The following DNAJB1 variants were observed in gnomAD, a reference collection of about 807,000 sequenced individuals.
DNAJB1 encodes the protein DnaJ heat shock protein family (Hsp40) member B1, also known as dnaJ homolog subfamily B member 1.
Under a neutral mutation model 24.0 loss-of-function variants are expected in DNAJB1, and 14 were observed. The observed-to-expected ratio is 0.58, with a 90% CI of 0.39 to 0.91. The LOEUF is 0.91. Ranked by LOEUF, DNAJB1 falls within the 40% of genes least tolerant of loss-of-function variation. The probability of loss-of-function intolerance (pLI) is 0.00; values close to 1 mark genes in which losing one functional copy is unlikely to be tolerated. For missense variants in DNAJB1, 517 were observed against 458.1 expected (o/e 1.13, Z -1.17); for synonymous variants, 262 against 174.4 (o/e 1.50, Z -3.96).
chr19:14,535,767 A>AAAAAC (rs2072877370), intron 1 of DNAJB1, among the ~76,000 whole-genome samples: 1 of 144,886 alleles, frequency 6.9e-6, no homozygotes, highest in Non-Finnish European at 1.5e-5. Flanking sequence ...AAAAAAAAAA[A>AAAAAC]AAAAAAAAAA....
At chr19:14,518,515 C>A, upstream of DNAJB1, 5 of 504,228 alleles carry the variant, frequency 9.9e-6, no homozygotes, top group Non-Finnish European at 1.5e-5. Context: ...TCGCCGCCGC[C>A]CTTTCAGCGA....
Position 14,524,384 on chromosome 19 carries a change from A to C in DNAJB1, c.-90+3342T>G, listed in dbSNP as rs114421359. On this transcript the variant is annotated intron_variant, in intron 2 of 3. Transcript: ENST00000396969. ...TATCTGCAAAGAATGACAAAGAAATAAGCTGGGCATGGTGGCACGTGCCAG... is the reference window on the plus strand; with the variant it reads ...TATCTGCAAAGAATGACAAAGAAATCAGCTGGGCATGGTGGCACGTGCCAG... Among the ~76,000 whole-genome samples the C allele has an allele frequency of 8.7e-3, 1,329 of 151,914 alleles. 26 individuals are homozygous for C. Among genetic ancestry groups the C allele is most frequent in the South Asian group, 0.029 (140 of 4,804 alleles).
chr19:14,522,208 T>C (rs1445940064), upstream of DNAJB1, among the ~76,000 whole-genome samples: 3 of 152,092 alleles, frequency 2.0e-5, no homozygotes, highest in Non-Finnish European at 4.4e-5. Flanking sequence ...GTGAAGTTAT[T>C]ATGTTGATGC....
At chr19:14,517,648 C>T in intron 1 of DNAJB1, 1 of 155,300 alleles carries the variant, frequency 6.4e-6, no homozygotes, top group Non-Finnish European at 1.4e-5. Context: ...GCGTGCCCTG[C>T]CGGGGCCAGG....
intron 1 of DNAJB1, among the ~76,000 whole-genome samples, chr19:14,539,539 T>G (rs2073024991): frequency 6.6e-6 from 1 of 152,216 alleles, no homozygotes; most frequent in East Asian, 1.9e-4. Context: ...GAAGGCCTTT[T>G]TGCCTGTAAG....
At chr19:14,529,648 C>T (rs377238588), upstream of DNAJB1, 36 of 1,613,592 alleles carry the variant, frequency 2.2e-5, no homozygotes, top group African/African-American at 9.3e-5. Context: ...CTGTGCCGCG[C>T]AGTTAGGCAG....
chr19:14,546,255 G>T (rs2073303181), intron 1 of DNAJB1, among the ~76,000 whole-genome samples: 1 of 146,090 alleles, frequency 6.8e-6, no homozygotes, highest in Middle Eastern at 3.2e-3. Flanking sequence ...AACTCAGAAG[G>T]AATTCTAGAT....
At position 14,529,125 on chromosome 19, in the gene DNAJB1, C is replaced by T. The variant is rs544311781; in HGVS notation, c.-175+85G>A. 10 of 181,030 alleles carry T rather than the reference C, an allele frequency of 5.5e-5. No individual in the cohort carries two copies. In the South Asian group the frequency reaches 8.0e-4, roughly 15 times the overall value. 11.2% of individuals were successfully genotyped at this position (181,030 alleles called of 1,614,324 possible). ...CTCAAGAGTCTCCTCCCATAGTGAC[C>T]TCCTCGCCAACCAGACTCCGCAGCC... On this transcript the variant is annotated intron_variant, in intron 1 of 3. Coordinates refer to the DNAJB1 transcript ENST00000396969.
Position 14,516,949 on chromosome 19 carries a change from A to G in DNAJB1, c.309T>C (p.Ala103=), listed in dbSNP as rs760036529. Residue 103 remains alanine, a synonymous_variant, in exon 2 of 3, where the codon GCT becomes GCC. Coordinates refer to ENST00000254322, the MANE Select transcript of DNAJB1 (RefSeq NM_006145.3). ...AGGGATTTCTGCCACCGAAGAACTC[A>G]GCAAACATGGCATGAGGGTCTCCAT... is the stretch of plus-strand genomic sequence containing the variant. ...TFHGDPHAMF[A]EFFGGRNPFD... 104 of 1,613,650 alleles carry G rather than the reference A, an allele frequency of 6.4e-5. No homozygotes were observed. The Middle Eastern group carries it at 2.5e-3, about 38-fold the overall frequency.
chr19:14,547,139 AT>A (rs1309565477), intron 1 of DNAJB1, among the ~76,000 whole-genome samples: 1 of 152,184 alleles, frequency 6.6e-6, no homozygotes, highest in African/African-American at 2.4e-5. Context: ...TAAAGAGCTT[AT>A]TCATAGCCTC....
chr19:14,558,440 G>A (rs10403978), intron 1 of DNAJB1, among the ~76,000 whole-genome samples: 4,337 of 152,284 alleles, frequency 0.028, 208 homozygotes, highest in African/African-American at 0.098. Context: ...ACGCCGCACC[G>A]TGTGTCCTGG....
intron 1 of DNAJB1, among the ~76,000 whole-genome samples, chr19:14,558,033 G>C (rs1424155274): frequency 6.6e-6 from 1 of 152,200 alleles, no homozygotes; most frequent in Non-Finnish European, 1.5e-5. Context: ...GGCATTACAG[G>C]CGTGAGCCAC....
At chr19:14,517,678 ATCCC>A (rs2072296443) in intron 1 of DNAJB1, 2 of 155,380 alleles carry the variant, frequency 1.3e-5, no homozygotes, top group Admixed American at 1.3e-4. Flanking sequence ...CCCGGGAATT[ATCCC>A]AACCCAGCCC....
At chr19:14,551,072 AT>A (rs1163481758), upstream of DNAJB1, among the ~76,000 whole-genome samples, 3 of 148,410 alleles carry the variant, frequency 2.0e-5, no homozygotes, top group Admixed American at 6.8e-5. Context: ...CAAAGACACT[AT>A]TTTTTTTTCT....
intron 1 of DNAJB1, among the ~76,000 whole-genome samples, chr19:14,549,253 G>A (rs562519781): frequency 1.9e-4 from 24 of 126,576 alleles, no homozygotes; most frequent in Admixed American, 1.7e-3. Flanking sequence ...TCACTCTGTC[G>A]CCAGGCTGGG....
upstream of DNAJB1, among the ~76,000 whole-genome samples, chr19:14,555,218 C>T (rs2073676985): frequency 6.6e-6 from 1 of 151,542 alleles, no homozygotes. Flanking sequence ...GTAGGTAGGA[C>T]CATAGGTGCG....
chr19:14,523,597 A>T (rs1229253140), intron 2 of DNAJB1, among the ~76,000 whole-genome samples: 1 of 144,490 alleles, frequency 6.9e-6, no homozygotes, highest in African/African-American at 2.6e-5. Flanking sequence ...CAAGGGTTGA[A>T]CCCTACACCC....
upstream of DNAJB1, among the ~76,000 whole-genome samples, chr19:14,554,814 C>CT (rs2073660903): frequency 6.6e-6 from 1 of 151,968 alleles, no homozygotes; most frequent in Non-Finnish European, 1.5e-5. Flanking sequence ...GAGTTTCACT[C>CT]TGTCACCAGG....
chr19:14,516,165 C>T lies in DNAJB1; in HGVS notation c.798G>A (p.Leu266=). 1.2e-6 allele frequency: 2 copies of T among 1,613,490 alleles called. No individual in the cohort carries two copies. Among genetic ancestry groups the T allele is most frequent in the Non-Finnish European group, 1.7e-6 (2 of 1,179,892 alleles). The change falls in exon 3 of 3, where the codon CTG becomes CTA. Residue 266 remains leucine, a synonymous_variant. Transcript: ENST00000254322. ...TGGGGACGTTCACTGTGCAGCCACA[C>T]AGAGCCTTGAAAAGCAAAAGGACAG... ...YPARISLREA[L]CGCTVNVPTL...
Sources: gnomAD v4.1 joint callset for allele counts (sites outside exome capture counted in the v4.1 genomes callset) on GRCh38, gnomAD v4.1.1 for gene constraint, MANE v1.5 for transcripts, NCBI Gene and HGNC (gene_info 2026-07-23, HGNC 2026-07-21) for gene names.